NHS: variants seen among roughly 807,000 people sequenced by gnomAD.
NHS encodes the protein NHS actin remodeling regulator, also known as actin remodeling regulator NHS.
In NHS, 5 loss-of-function variants were observed where a neutral mutation model predicts 72.5. The ratio of observed to expected loss-of-function variants is 0.07; its 90% confidence interval spans 0.04 to 0.14. The LOEUF (loss-of-function observed/expected upper bound fraction) is 0.14, where lower values mean the gene tolerates loss of function less well. Among genes scored for constraint, NHS ranks in the 10% least tolerant of loss-of-function variants. NHS has a pLI of 1.00. For missense variants in NHS, 1,072 were observed against 1,355.7 expected, an observed-to-expected ratio of 0.79 and a Z score of 3.29; for synonymous variants, 464 against 547.7, an observed-to-expected ratio of 0.85 and a Z score of 2.13.
chrX:17,415,506 C>T (rs933019399), intron 1 of NHS, among the ~76,000 whole-genome samples: 1 of 111,199 alleles, frequency 9.0e-6, no homozygotes, highest in Non-Finnish European at 1.9e-5. Context: ...CATAATTGCT[C>T]GGCAGGGGGG....
At chrX:17,462,975 C>G (rs1235809509) in intron 1 of NHS, among the ~76,000 whole-genome samples, 1 of 111,681 alleles carries the variant, frequency 9.0e-6, no homozygotes, top group Non-Finnish European at 1.9e-5. Context: ...ATTGATATTT[C>G]TTGTCCATTG....
chrX:17,546,034 G>A (rs1198321316), intron 1 of NHS, among the ~76,000 whole-genome samples: 1 of 112,218 alleles, frequency 8.9e-6, no homozygotes, highest in African/African-American at 3.2e-5. Flanking sequence ...AAGGGATTAA[G>A]GTTATGAGAA....
At chrX:17,442,493 TG>T in intron 1 of NHS, among the ~76,000 whole-genome samples, 1 of 112,738 alleles carries the variant, frequency 8.9e-6, no homozygotes, top group East Asian at 2.8e-4. Flanking sequence ...CAAGAAAGTC[TG>T]GGAAATGTGT....
chrX:17,390,585 G>A (rs1336042872), intron 1 of NHS, among the ~76,000 whole-genome samples: 1 of 111,706 alleles, frequency 9.0e-6, no homozygotes, highest in South Asian at 3.8e-4. Flanking sequence ...CAATGTGGGG[G>A]AGAAGTGGGA....
intron 1 of NHS, among the ~76,000 whole-genome samples, chrX:17,617,380 G>A (rs1334420019): frequency 8.9e-6 from 1 of 112,371 alleles, no homozygotes; most frequent in Non-Finnish European, 1.9e-5. Flanking sequence ...TAACATATTT[G>A]ACGTTTCAGT....
chrX:17,400,818 A>G (rs1283458470), intron 1 of NHS, among the ~76,000 whole-genome samples: 1 of 111,871 alleles, frequency 8.9e-6, no homozygotes, highest in Non-Finnish European at 1.9e-5. Flanking sequence ...TCCCTAAATC[A>G]ATATACAGAT....
chrX:17,641,138 A>G (rs2147076114), intron 1 of NHS, among the ~76,000 whole-genome samples: 1 of 111,529 alleles, frequency 9.0e-6, no homozygotes, highest in African/African-American at 3.3e-5. Context: ...TTATTTTTTT[A>G]CACAAAAGAC....
chrX:17,615,227 CATATATATACGTAT>C (rs1569294239), intron 1 of NHS, among the ~76,000 whole-genome samples: 2 of 86,631 alleles, frequency 2.3e-5, no homozygotes, highest in African/African-American at 5.3e-5. Context: ...TATATATACA[CATATATATACGTAT>C]ATATATACAC....
intron 1 of NHS, among the ~76,000 whole-genome samples, chrX:17,488,141 G>A (rs1049676236): frequency 1.6e-4 from 18 of 111,401 alleles, no homozygotes; most frequent in African/African-American, 5.6e-4. Flanking sequence ...TTTCCGCTAC[G>A]GGTAGAGATT....
At chrX:17,447,807 A>ACG (rs1423192093) in intron 1 of NHS, among the ~76,000 whole-genome samples, 8 of 109,757 alleles carry the variant, frequency 7.3e-5, no homozygotes, top group African/African-American at 2.7e-4. Context: ...ACACACACAC[A>ACG]CACACACACA....
chrX:17,542,376 T>C (rs1261521999), intron 1 of NHS, among the ~76,000 whole-genome samples: 1 of 113,270 alleles, frequency 8.8e-6, no homozygotes, highest in Non-Finnish European at 1.9e-5. Context: ...CTGGCACTGG[T>C]GCTTATTCCT....
At chrX:17,712,296 C>T (rs1401114831) in intron 3 of NHS, among the ~76,000 whole-genome samples, 7 of 80,538 alleles carry the variant, frequency 8.7e-5, no homozygotes, top group East Asian at 4.4e-4. Context: ...TATATACACA[C>T]ACACACACAC....
chrX:17,527,622 G>T, intron 1 of NHS, among the ~76,000 whole-genome samples: 1 of 112,561 alleles, frequency 8.9e-6, no homozygotes, highest in Middle Eastern at 4.6e-3. Flanking sequence ...ATTCTCTGAG[G>T]ATTAGAAGCA....
chrX:17,413,135 G>A (rs2064570714), intron 1 of NHS, among the ~76,000 whole-genome samples: 1 of 112,045 alleles, frequency 8.9e-6, no homozygotes, highest in African/African-American at 3.2e-5. Context: ...GTGCACACAC[G>A]CACACACATA....
chrX:17,467,429 C>T (rs1050824859), intron 1 of NHS, among the ~76,000 whole-genome samples: 1 of 111,411 alleles, frequency 9.0e-6, no homozygotes, highest in Non-Finnish European at 1.9e-5. Context: ...ATACTGAGTT[C>T]CTACTACCTT....
At chrX:17,623,748 A>C (rs377623760) in intron 1 of NHS, among the ~76,000 whole-genome samples, 2 of 112,131 alleles carry the variant, frequency 1.8e-5, no homozygotes, top group East Asian at 5.6e-4. Flanking sequence ...TCCCTTACAT[A>C]GTGGTGCCCT....
chrX:17,706,454 C>T (rs923385620), intron 3 of NHS, among the ~76,000 whole-genome samples: 18 of 108,563 alleles, frequency 1.7e-4, no homozygotes, highest in Non-Finnish European at 1.5e-4. Context: ...GCTATTTTTA[C>T]AACTTTTCTT....
chrX:17,590,968 C>T (rs2065600332), intron 1 of NHS, among the ~76,000 whole-genome samples: 1 of 111,877 alleles, frequency 8.9e-6, no homozygotes, highest in Admixed American at 9.5e-5. Context: ...AAAAGAAAAT[C>T]GCCACCAAAT....
rs563088221 is a variant in NHS at position 17,433,552 on chromosome X, C to T, written c.565+57230C>T. On this transcript the variant is annotated intron_variant, in intron 1 of 8. Coordinates refer to ENST00000676302, the MANE Select transcript of NHS (RefSeq NM_001291867.2). ...CCAACAGATCAGAGCAGAGTTAGTC[C>T]ACACACAGGCCAGGCTCCTTCCTGG... is the stretch of plus-strand genomic sequence containing the variant. Among the ~76,000 whole-genome samples, 34 of 110,773 alleles carry T rather than the reference C, an allele frequency of 3.1e-4. 1 individual carries two copies. In the South Asian group the frequency reaches 0.012, roughly 38 times the overall value.
Sources: gnomAD v4.1 joint callset for allele counts (sites outside exome capture counted in the v4.1 genomes callset) on GRCh38, gnomAD v4.1.1 for gene constraint, MANE v1.5 for transcripts, NCBI Gene and HGNC (gene_info 2026-07-23, HGNC 2026-07-21) for gene names.